Variants in NNT observed in about 807,000 individuals in gnomAD.
NNT encodes the protein NAD(P) transhydrogenase, mitochondrial.
In NNT, 50 loss-of-function variants were observed where a neutral mutation model predicts 104.8. That is an observed-to-expected ratio of 0.48 (90% CI 0.38 to 0.60). NNT has a LOEUF of 0.60. Among genes scored for constraint, NNT ranks in the 20% least tolerant of loss-of-function variants. NNT has a pLI of 0.00. For synonymous variants in NNT, 461 were observed against 490.4 expected (o/e 0.94, Z 0.79); for missense variants, 1,131 against 1,330.7 (o/e 0.85, Z 2.33).
intron 19 of NNT, among the ~76,000 whole-genome samples, chr5:43,694,131 T>C (rs563311182): frequency 5.8e-4 from 88 of 152,350 alleles, no homozygotes; most frequent in African/African-American, 2.0e-3. Context: ...ATTGATTTTG[T>C]ATCCTAAAAC....
intron 3 of NNT, among the ~76,000 whole-genome samples, chr5:43,614,187 T>C (rs1749654141): frequency 1.3e-5 from 2 of 152,234 alleles, no homozygotes; most frequent in Admixed American, 1.3e-4. Flanking sequence ...CCTATAAGGG[T>C]GTGCTTACAT....
chr5:43,647,955 A>G (rs1177463984), intron 10 of NNT: 1 of 481,542 alleles, frequency 2.1e-6, no homozygotes, highest in African/African-American at 2.0e-5. Flanking sequence ...AATTTTACCT[A>G]TGAAGACACT....
In NNT at chr5:43,605,776, A is replaced by G. The variant is rs1033625850; in HGVS notation, c.-54+2482A>G. On this transcript the variant is annotated intron_variant, in intron 1 of 21. Coordinates refer to ENST00000344920, the MANE Select transcript of NNT (RefSeq NM_182977.3). ...TTGTATTTGGTTTAGACTTAGTGAT[A>G]TGTATTGCTTTTGCCAAGAAATGAC... is the stretch of plus-strand genomic sequence containing the variant. Among the ~76,000 whole-genome samples, 14 of 152,170 alleles carry G rather than the reference A, an allele frequency of 9.2e-5. 1 individual carries two copies. Among genetic ancestry groups the G allele is most frequent in the Admixed American group, 2.6e-4 (4 of 15,270 alleles).
Position 43,609,355 on chromosome 5 carries a change from T to C in NNT, c.151+9T>C. 1.2e-6 allele frequency: 2 copies of C among 1,612,966 alleles called. No homozygotes were observed. Among genetic ancestry groups the C allele is most frequent in the Non-Finnish European group, 1.7e-6 (2 of 1,179,364 alleles). On this transcript the variant is annotated intron_variant, in intron 2 of 21. Coordinates refer to ENST00000344920, the MANE Select transcript of NNT (RefSeq NM_182977.3). ...AGCGCCTGTAAAACCAGGTAAAGTC[T>C]CACTTCAGTGATTGTAAATGAAACC...
chr5:43,658,228 G>C (rs1199675472), intron 16 of NNT, among the ~76,000 whole-genome samples: 1 of 152,076 alleles, frequency 6.6e-6, no homozygotes, highest in African/African-American at 2.4e-5. Context: ...AGGATTTATT[G>C]GTTCTATGAG....
At chr5:43,627,188 C>T (rs1269771635) in intron 6 of NNT, among the ~76,000 whole-genome samples, 1 of 152,128 alleles carries the variant, frequency 6.6e-6, no homozygotes, top group Non-Finnish European at 1.5e-5. Context: ...AACTTTACCT[C>T]CAGGGGGCAA....
chr5:43,653,071 C>T lies in NNT; in HGVS notation c.1917C>T (p.Ser639=), dbSNP rs1580049236. The T allele has an allele frequency of 6.2e-7, 1 of 1,614,104 alleles. No homozygotes were observed. Among genetic ancestry groups the T allele is most frequent in the Non-Finnish European group, 8.5e-7 (1 of 1,180,010 alleles). ...LCCVGALAGL[S]TQGTARLGNA... ...GTGTCGGTGCCTTGGCTGGCCTCTC[C>T]ACCCAGGGAACAGCACGTCTTGGCA... is the stretch of plus-strand genomic sequence containing the variant. The change falls in exon 14 of 22, where the codon TCC becomes TCT. Residue 639 remains serine, a synonymous_variant. Coordinates refer to ENST00000344920, the MANE Select transcript of NNT (RefSeq NM_182977.3).
At chr5:43,681,964 A>G (rs1355575155) in intron 19 of NNT, among the ~76,000 whole-genome samples, 1 of 152,132 alleles carries the variant, frequency 6.6e-6, no homozygotes, top group Non-Finnish European at 1.5e-5. Context: ...TGTCCAGGAG[A>G]TATTTTAAAC....
intron 19 of NNT, among the ~76,000 whole-genome samples, chr5:43,698,418 C>T (rs183232593): frequency 6.2e-4 from 95 of 152,038 alleles, no homozygotes; most frequent in East Asian, 5.8e-4. Context: ...GATGTGTCTA[C>T]GTGGTTCCAG....
chr5:43,650,397 G>A (rs1359255878), intron 11 of NNT, 80 bp from the exon 12 acceptor site: 2 of 971,860 alleles, frequency 2.1e-6, no homozygotes, highest in African/African-American at 1.6e-5. Context: ...ATGAATCTAT[G>A]TATGTGAGGT....
chr5:43,661,696 T>C (rs1253873371), intron 17 of NNT, among the ~76,000 whole-genome samples: 2 of 151,502 alleles, frequency 1.3e-5, no homozygotes, highest in Non-Finnish European at 2.9e-5. Flanking sequence ...TTACTGAGAA[T>C]GATGATTTCC....
chr5:43,654,271 CA>C (rs1739923831), intron 14 of NNT, among the ~76,000 whole-genome samples: 1 of 152,138 alleles, frequency 6.6e-6, no homozygotes, highest in African/African-American at 2.4e-5. Context: ...TGGAAATAAG[CA>C]AACGCTACAA....
rs878922992 is a variant in NNT at position 43,653,027 on chromosome 5, C to T, written c.1873C>T (p.Leu625=). Residue 625 remains leucine (L), a synonymous_variant, in exon 14 of 22, where the codon CTA becomes TTA. Transcript: ENST00000344920. ...CTTTTCCTTTGAAAAGATCATGTAC[C>T]TAGGCTCGGGTTTGTGCTGTGTCGG... ...SGYNIEQIMY[L]GSGLCCVGAL... 6.2e-6 allele frequency: 10 copies of T among 1,610,836 alleles called. No individual in the cohort carries two copies. In the Admixed American group the frequency reaches 1.2e-4, roughly 19 times the overall value.
Position 43,645,468 on chromosome 5 carries a change from C to G in NNT, c.1402C>G (p.Pro468Ala). The change falls in exon 10 of 22, where the codon CCC (proline) becomes GCC (alanine). Residue 468 changes from proline to alanine, a missense_variant. Coordinates refer to ENST00000344920, the MANE Select transcript of NNT (RefSeq NM_182977.3). ...AGCTGAAAAAGCAGCTACCATTACACCCTTCAGGAAGACAATGTCAACGGC... is the reference window on the plus strand; with the variant it reads ...AGCTGAAAAAGCAGCTACCATTACAGCCTTCAGGAAGACAATGTCAACGGC... ...LEAEKAATIT[P>A]FRKTMSTASA... The G allele has an allele frequency of 3.2e-6, 5 of 1,572,182 alleles. No homozygotes were observed. Among genetic ancestry groups the G allele is most frequent in the Non-Finnish European group, 4.3e-6 (5 of 1,157,892 alleles).
intron 7 of NNT, among the ~76,000 whole-genome samples, chr5:43,631,159 CAGGTAGG>C (rs1296069456): frequency 6.6e-6 from 1 of 152,128 alleles, no homozygotes; most frequent in Non-Finnish European, 1.5e-5. Context: ...ATGAAGCAGA[CAGGTAGG>C]AGTCTGATAT....
intron 7 of NNT, among the ~76,000 whole-genome samples, chr5:43,636,813 A>T (rs760024895): frequency 6.6e-6 from 1 of 152,192 alleles, no homozygotes; most frequent in Non-Finnish European, 1.5e-5. Context: ...AGAATTTTGC[A>T]GCTATGAGAG....
intron 11 of NNT, among the ~76,000 whole-genome samples, chr5:43,650,167 T>C (rs1306982480): frequency 2.0e-5 from 3 of 152,248 alleles, no homozygotes; most frequent in African/African-American, 2.4e-5. Flanking sequence ...GGTGGATTTA[T>C]ATCTGTATTA....
chr5:43,662,569 G>A (rs1467146639), intron 17 of NNT, among the ~76,000 whole-genome samples: 5 of 151,802 alleles, frequency 3.3e-5, no homozygotes, highest in East Asian at 1.9e-4. Flanking sequence ...TTAATAATTC[G>A]GATTCAAGAA....
intron 19 of NNT, among the ~76,000 whole-genome samples, chr5:43,689,348 ACT>A (rs780913720): frequency 1.8e-4 from 27 of 151,876 alleles, no homozygotes; most frequent in Non-Finnish European, 2.6e-4. Flanking sequence ...CTGTGAATGA[ACT>A]CTGTTGATTA....
Sources: gnomAD v4.1 joint callset for allele counts (sites outside exome capture counted in the v4.1 genomes callset) on GRCh38, gnomAD v4.1.1 for gene constraint, MANE v1.5 for transcripts, NCBI Gene and HGNC (gene_info 2026-07-23, HGNC 2026-07-21) for gene names.